TAFA1: variants seen among roughly 807,000 people sequenced by gnomAD.
TAFA1 encodes the protein TAFA chemokine like family member 1, also known as chemokine-like protein TAFA-1.
A neutral mutation model predicts 18.5 loss-of-function variants in TAFA1; 4 were observed. The observed-to-expected ratio is 0.22, with a 90% CI of 0.11 to 0.49. The LOEUF (loss-of-function observed/expected upper bound fraction) is 0.49. TAFA1 is among the 20% of genes least tolerant of loss of function. The probability of loss-of-function intolerance (pLI) is 0.98; values close to 1 mark genes in which losing one functional copy is unlikely to be tolerated. For missense variants in TAFA1, 147 were observed against 169.0 expected (o/e 0.87, Z 0.72); for synonymous variants, 56 against 55.2 (o/e 1.01, Z -0.06).
Position 68,006,700 on chromosome 3 carries a change from G to C in TAFA1, c.74G>C (p.Gly25Ala). 6.2e-7 allele frequency: 1 copy of C among 1,614,020 alleles called. No individual in the cohort carries two copies. The highest frequency in any genetic ancestry group is 8.5e-7 in the Non-Finnish European group (1 of 1,179,884). Residue 25 changes from glycine (G) to alanine (A), a missense_variant, in exon 2 of 5, where the codon GGA becomes GCA. Coordinates refer to ENST00000478136, the MANE Select transcript of TAFA1 (RefSeq NM_213609.4). Reference protein sequence around the residue: ...ISACAMLLCHGSLQHTFQQHH... With the variant: ...ISACAMLLCHASLQHTFQQHH... ...GCTTGTGCAATGCTACTCTGCCATGGATCCCTTCAGCACACTTTCCAGCAG... is the reference window on the plus strand; with the variant it reads ...GCTTGTGCAATGCTACTCTGCCATGCATCCCTTCAGCACACTTTCCAGCAG...
intron 2 of TAFA1, among the ~76,000 whole-genome samples, chr3:68,276,427 A>G (rs1262271405): frequency 6.6e-6 from 1 of 152,072 alleles, no homozygotes; most frequent in Non-Finnish European, 1.5e-5. Context: ...TATTGAGAAC[A>G]CTGGTATGAA....
In TAFA1 at chr3:68,246,589, C is replaced by CAAAAAAAAAAAAAAAAAAAAA. The variant is rs63748968; in HGVS notation, c.119-170675_119-170655dup. ...TGGGCGACAGAGCGGGACTCCGTCT[C>CAAAAAAAAAAAAAAAAAAAAA]AAAAAAAAAAAAAAAAAAAAAAAAA... On this transcript the variant is annotated intron_variant, in intron 2 of 4. Transcript: ENST00000478136. Among the ~76,000 whole-genome samples the CAAAAAAAAAAAAAAAAAAAAA allele has an allele frequency of 1.6e-4, 9 of 55,358 alleles. 1 individual carries two copies. The highest frequency in any genetic ancestry group is 5.8e-4 in the African/African-American group (8 of 13,780). The allele number at this position is 55,358 out of a possible 152,430, so 36.3% of individuals were successfully genotyped here.
rs1350886623 is a variant in TAFA1 at position 68,043,882 on chromosome 3, A to G, written c.118+37138A>G. 2.0e-5 allele frequency among the ~76,000 whole-genome samples: 3 copies of G among 152,248 alleles called. No homozygotes were observed. In the East Asian group the frequency reaches 5.8e-4, roughly 29 times the overall value. On this transcript the variant is annotated intron_variant, in intron 2 of 4. Transcript: ENST00000478136. ...TATTATACCTTAATTTCTAGGGTAC[A>G]TGTGCACAATGTGCGGGTTTGTTAC...
chr3:68,509,247 A>G (rs2072810682), intron 3 of TAFA1, among the ~76,000 whole-genome samples: 1 of 152,150 alleles, frequency 6.6e-6, no homozygotes, highest in Non-Finnish European at 1.5e-5. Context: ...GAAAGAATGT[A>G]TCAAGTTAAT....
chr3:68,533,632 G>A (rs2073226011), intron 3 of TAFA1, among the ~76,000 whole-genome samples: 2 of 152,290 alleles, frequency 1.3e-5, no homozygotes, highest in South Asian at 2.1e-4. Context: ...TAAACATAGA[G>A]CAGAGGAAGA....
At chr3:68,028,842 T>A (rs935254781) in intron 2 of TAFA1, among the ~76,000 whole-genome samples, 3 of 151,874 alleles carry the variant, frequency 2.0e-5, no homozygotes, top group African/African-American at 7.3e-5. Flanking sequence ...AGGCTGAAAC[T>A]CCCCAGGCTC....
At chr3:68,088,866 G>C (rs1045418277) in intron 2 of TAFA1, among the ~76,000 whole-genome samples, 4 of 152,220 alleles carry the variant, frequency 2.6e-5, no homozygotes, top group African/African-American at 7.2e-5. Flanking sequence ...AGTCTCACTG[G>C]AGATGGTGAG....
At chr3:68,111,727 A>C (rs1046558289) in intron 2 of TAFA1, among the ~76,000 whole-genome samples, 2 of 152,066 alleles carry the variant, frequency 1.3e-5, no homozygotes, top group African/African-American at 2.4e-5. Flanking sequence ...AAAGTGTATT[A>C]TAATTCTTAA....
chr3:68,394,311 C>A (rs959791452), intron 2 of TAFA1, among the ~76,000 whole-genome samples: 1 of 152,058 alleles, frequency 6.6e-6, no homozygotes, highest in African/African-American at 2.4e-5. Context: ...AGGACACAAA[C>A]AAATGGAAAA....
intron 2 of TAFA1, among the ~76,000 whole-genome samples, chr3:68,207,718 T>C (rs1457914071): frequency 6.6e-6 from 1 of 152,012 alleles, no homozygotes; most frequent in Non-Finnish European, 1.5e-5. Context: ...CTTGCACTAG[T>C]AATAGTAGTT....
At chr3:68,373,982 C>A (rs1276684875) in intron 2 of TAFA1, among the ~76,000 whole-genome samples, 2 of 152,154 alleles carry the variant, frequency 1.3e-5, no homozygotes, top group Non-Finnish European at 2.9e-5. Context: ...AAGAATACAA[C>A]ACAAGGAGGA....
At chr3:68,243,673 A>G (rs550489746) in intron 2 of TAFA1, among the ~76,000 whole-genome samples, 1 of 152,238 alleles carries the variant, frequency 6.6e-6, no homozygotes, top group East Asian at 1.9e-4. Flanking sequence ...TTATGGATGG[A>G]CCACAGTTTG....
chr3:68,512,871 T>A (rs184265635), intron 3 of TAFA1, among the ~76,000 whole-genome samples: 2 of 152,252 alleles, frequency 1.3e-5, no homozygotes, highest in South Asian at 2.1e-4. Context: ...AAGTCCTCTT[T>A]AGAAAAAAAT....
intron 2 of TAFA1, among the ~76,000 whole-genome samples, chr3:68,380,707 C>T (rs2069929430): frequency 6.6e-6 from 1 of 152,002 alleles, no homozygotes; most frequent in South Asian, 2.1e-4. Context: ...AATTTTCTCC[C>T]ATTTTGTAGG....
intron 2 of TAFA1, among the ~76,000 whole-genome samples, chr3:68,170,873 C>A (rs1188004579): frequency 1.3e-5 from 2 of 151,914 alleles, no homozygotes; most frequent in African/African-American, 4.8e-5. Context: ...AACACACACA[C>A]ACACACACAC....
chr3:68,280,630 C>T (rs2067881707), intron 2 of TAFA1, among the ~76,000 whole-genome samples: 1 of 151,824 alleles, frequency 6.6e-6, no homozygotes, highest in Admixed American at 6.6e-5. Flanking sequence ...TTTTTTTCCC[C>T]CTTCTGCACA....
chr3:68,360,059 C>G (rs2069441506), intron 2 of TAFA1, among the ~76,000 whole-genome samples: 1 of 151,918 alleles, frequency 6.6e-6, no homozygotes, highest in East Asian at 1.9e-4. Context: ...AATGCCTCTC[C>G]ATTATTTGCA....
At chr3:68,354,941 A>G (rs972000733) in intron 2 of TAFA1, among the ~76,000 whole-genome samples, 4 of 152,004 alleles carry the variant, frequency 2.6e-5, no homozygotes, top group African/African-American at 9.7e-5. Flanking sequence ...TGTATTGGGA[A>G]TTAAGTTTCA....
chr3:68,530,659 A>G (rs528297574), intron 3 of TAFA1, among the ~76,000 whole-genome samples: 1 of 152,278 alleles, frequency 6.6e-6, no homozygotes, highest in Admixed American at 6.5e-5. Context: ...TCCTCGGAGC[A>G]GTTATGCATC....
Sources: gnomAD v4.1 joint callset for allele counts (sites outside exome capture counted in the v4.1 genomes callset) on GRCh38, gnomAD v4.1.1 for gene constraint, MANE v1.5 for transcripts, NCBI Gene and HGNC (gene_info 2026-07-23, HGNC 2026-07-21) for gene names.